The following MAGI2 variants were observed in gnomAD, a reference collection of about 807,000 sequenced individuals.
MAGI2 encodes membrane associated guanylate kinase, WW and PDZ domain containing 2, also known as membrane-associated guanylate kinase, WW and PDZ domain-containing protein 2.
A neutral mutation model predicts 133.3 loss-of-function variants in MAGI2; 35 were observed. That is an observed-to-expected ratio of 0.26 (90% CI 0.20 to 0.35). MAGI2 has a LOEUF of 0.35. Ranked by LOEUF, MAGI2 falls within the 10% of genes least tolerant of loss-of-function variation. The pLI, the probability that MAGI2 is intolerant of heterozygous loss-of-function variation, is 1.00. For synonymous variants in MAGI2, 729 were observed against 710.6 expected (o/e 1.03, Z -0.41); for missense variants, 1,636 against 1,863.4 (o/e 0.88, Z 2.25).
chr7:78,223,116 C>T (rs1394606136), intron 10 of MAGI2, among the ~76,000 whole-genome samples: 1 of 152,182 alleles, frequency 6.6e-6, no homozygotes, highest in East Asian at 1.9e-4. Context: ...TCTGTCTGTT[C>T]ATACCACAGT....
rs35176332 is a variant in MAGI2 at position 79,169,798 on chromosome 7, C to T, written c.302-162592G>A. Among the ~76,000 whole-genome samples the T allele has an allele frequency of 8.6e-3, 1,305 of 152,028 alleles. 20 individuals are homozygous for T. Among genetic ancestry groups the T allele is most frequent in the African/African-American group, 0.029 (1,209 of 41,510 alleles). ...CAGCCACATCAACAACTAAACATAC[C>T]GGAATCCTGTAGCTGTTCAATTTAA... On this transcript the variant is annotated intron_variant, in intron 1 of 21. Transcript: ENST00000354212.
At chr7:78,176,938 CACACACACACACAT>C (rs1032760741) in intron 14 of MAGI2, among the ~76,000 whole-genome samples, 1 of 151,128 alleles carries the variant, frequency 6.6e-6, no homozygotes, top group Non-Finnish European at 1.5e-5. Context: ...CACACACACA[CACACACACACACAT>C]ATATAGTATA....
intron 21 of MAGI2, among the ~76,000 whole-genome samples, chr7:78,060,730 C>T (rs1813151817): frequency 1.3e-5 from 2 of 152,176 alleles, no homozygotes; most frequent in Admixed American, 1.3e-4. Flanking sequence ...CAGCATGTGC[C>T]CAACCCTGAA....
At chr7:79,135,460 C>A (rs1212758383) in intron 1 of MAGI2, among the ~76,000 whole-genome samples, 1 of 152,068 alleles carries the variant, frequency 6.6e-6, no homozygotes, top group Non-Finnish European at 1.5e-5. Context: ...TATAACACTC[C>A]AGTGAAATAT....
At chr7:78,492,686 G>C (rs1047694752) in intron 5 of MAGI2, among the ~76,000 whole-genome samples, 1 of 152,088 alleles carries the variant, frequency 6.6e-6, no homozygotes, top group Non-Finnish European at 1.5e-5. Context: ...TTTCCTTTCA[G>C]TTCCTAGCTA....
At chr7:78,566,107 G>A (rs1255567966) in intron 3 of MAGI2, among the ~76,000 whole-genome samples, 1 of 152,150 alleles carries the variant, frequency 6.6e-6, no homozygotes, top group Admixed American at 6.5e-5. Flanking sequence ...AGTCAGAGGT[G>A]TGAGATGGCC....
intron 3 of MAGI2, among the ~76,000 whole-genome samples, chr7:78,523,270 A>G (rs186646681): frequency 5.8e-4 from 89 of 152,220 alleles, no homozygotes; most frequent in Middle Eastern, 3.4e-3. Context: ...GCTGCAAAAA[A>G]CCACAGCCTA....
intron 2 of MAGI2, among the ~76,000 whole-genome samples, chr7:78,833,129 G>T (rs111269045): frequency 0.089 from 13,497 of 152,138 alleles, 753 homozygotes; most frequent in Middle Eastern, 0.15. Flanking sequence ...AACTGTTACT[G>T]CTGATTAATA....
chr7:78,627,018 A>G (rs1808437373), intron 3 of MAGI2, 102 bp downstream of exon 3: 2 of 1,256,820 alleles, frequency 1.6e-6, no homozygotes, highest in Non-Finnish European at 2.1e-6. Context: ...AAGCTCTCAA[A>G]CCCAAAACAG....
intron 21 of MAGI2, among the ~76,000 whole-genome samples, chr7:78,054,691 T>C (rs564137603): frequency 8.6e-5 from 13 of 151,032 alleles, no homozygotes; most frequent in Admixed American, 3.3e-4. Context: ...AGGGTCTTGC[T>C]CTCTGTCACC....
chr7:78,345,629 A>T, intron 8 of MAGI2: 1 of 320,794 alleles, frequency 3.1e-6, no homozygotes, highest in African/African-American at 2.2e-5. Context: ...GGACAAACTT[A>T]TGAGTCTCTA....
At chr7:78,350,433 A>C (rs2151202090) in intron 7 of MAGI2, 1 of 152,336 alleles carries the variant, frequency 6.6e-6, no homozygotes, top group Admixed American at 6.5e-5. Context: ...TAGATGAAAG[A>C]AAGCTTCCCA....
intron 6 of MAGI2, among the ~76,000 whole-genome samples, chr7:78,394,819 A>T (rs1243588480): frequency 6.6e-6 from 1 of 152,194 alleles, no homozygotes; most frequent in Non-Finnish European, 1.5e-5. Flanking sequence ...CTTTACTCTA[A>T]GTACATCCTC....
At chr7:79,286,642 C>G (rs965729699) in intron 1 of MAGI2, among the ~76,000 whole-genome samples, 40 of 151,992 alleles carry the variant, frequency 2.6e-4, no homozygotes, top group African/African-American at 8.7e-4. Flanking sequence ...AAAGAAGCAG[C>G]CTCAAAGTCT....
intron 2 of MAGI2, among the ~76,000 whole-genome samples, chr7:78,667,056 T>C (rs1813677238): frequency 6.6e-6 from 1 of 152,280 alleles, no homozygotes; most frequent in East Asian, 1.9e-4. Flanking sequence ...TTTAAGATAA[T>C]TGTAGATTTA....
intron 2 of MAGI2, among the ~76,000 whole-genome samples, chr7:78,975,718 T>C (rs775074919): frequency 1.3e-4 from 19 of 151,484 alleles, no homozygotes; most frequent in Non-Finnish European, 2.7e-4. Context: ...AGAAAATCAA[T>C]GGGAACTAAA....
At chr7:79,238,110 T>C (rs562393085) in intron 1 of MAGI2, among the ~76,000 whole-genome samples, 3 of 152,300 alleles carry the variant, frequency 2.0e-5, no homozygotes, top group African/African-American at 7.2e-5. Flanking sequence ...TACTGGGAAA[T>C]ACATTGGCTT....
chr7:79,127,993 G>T (rs1330236002), intron 1 of MAGI2, among the ~76,000 whole-genome samples: 4 of 152,080 alleles, frequency 2.6e-5, no homozygotes, highest in Admixed American at 6.6e-5. Flanking sequence ...GTAAGGAAGG[G>T]ATCCAGTTTC....
chr7:79,110,821 T>C (rs889481414), intron 1 of MAGI2, among the ~76,000 whole-genome samples: 3 of 152,090 alleles, frequency 2.0e-5, no homozygotes, highest in African/African-American at 7.2e-5. Context: ...TGGGAGGTAT[T>C]TGGGTCATAG....
Sources: gnomAD v4.1 joint callset for allele counts (sites outside exome capture counted in the v4.1 genomes callset) on GRCh38, gnomAD v4.1.1 for gene constraint, MANE v1.5 for transcripts, NCBI Gene and HGNC (gene_info 2026-07-23, HGNC 2026-07-21) for gene names.